Variants in ANKRD9 observed in about 807,000 individuals in gnomAD.
ANKRD9 encodes the protein ankyrin repeat domain-containing protein 9.
A neutral mutation model predicts 19.2 loss-of-function variants in ANKRD9; 13 were observed. The ratio of observed to expected loss-of-function variants is 0.68; its 90% CI spans 0.44 to 1.08. The LOEUF (loss-of-function observed/expected upper bound fraction) is 1.08. Ranked by LOEUF, ANKRD9 falls within the 50% of genes least tolerant of loss-of-function variation. The pLI, the probability that ANKRD9 is intolerant of heterozygous loss-of-function variation, is 0.00. For synonymous variants in ANKRD9, 278 were observed against 256.8 expected (o/e 1.08, Z -0.79); for missense variants, 518 against 499.9 (o/e 1.04, Z -0.34).
rs115349240 is a variant in ANKRD9, at chr14:102,508,133, T to C, written c.-53-191A>G. On this transcript the variant is annotated intron_variant, in intron 3 of 3. Transcript: ENST00000286918. The surrounding 1 kb of genome is among the most constrained non-coding windows in gnomAD (Gnocchi z 6.2). ...CGCCCAGAACCACCGCCTCCATCCTTGATCTAGCTGTACCTGTTCTCCCTC... is the reference window on the plus strand; with the variant it reads ...CGCCCAGAACCACCGCCTCCATCCTCGATCTAGCTGTACCTGTTCTCCCTC... Among the ~76,000 whole-genome samples, 1,551 of 152,176 alleles carry C rather than the reference T, an allele frequency of 0.01. 30 individuals carry two copies. Among genetic ancestry groups the C allele is most frequent in the African/African-American group, 0.035 (1,471 of 41,516 alleles).
At position 102,506,672 on chromosome 14, in the gene ANKRD9, C is replaced by T. The variant is rs1891596457; in HGVS notation, c.*264G>A. The T allele has an allele frequency of 2.5e-6, 1 of 398,972 alleles. No homozygotes were observed. Among genetic ancestry groups the T allele is most frequent in the Non-Finnish European group, 4.3e-6 (1 of 233,680 alleles). The allele number at this position is 398,972 out of a possible 1,614,324, so 24.7% of individuals were successfully genotyped here. The stretch of plus-strand genomic sequence containing the variant: ...ACTCAGCTGTCACCCATCTGGGACG[C>T]ACACCTGTCCGAGGCTCTAGATCAA... On this transcript the variant is annotated 3_prime_UTR_variant, in exon 4 of 4. Coordinates refer to ENST00000286918, the MANE Select transcript of ANKRD9 (RefSeq NM_152326.4).
chr14:102,507,976 G>A lies in ANKRD9; in HGVS notation c.-53-34C>T, dbSNP rs373442922. On this transcript the variant is annotated intron_variant, in intron 3 of 3. Transcript: ENST00000286918. This position sits in a 1 kb window ranked among gnomAD's most constrained non-coding sequence, Gnocchi z 9.2. ...AAAGGAAGAGGCCACGGTGAGGCGC[G>A]GGGAAACTGGGGAGGCCCGGGGACT... 1 of 1,068,396 alleles carries A rather than the reference G, an allele frequency of 9.4e-7. No individual in the cohort carries two copies. The highest frequency in any genetic ancestry group is 1.1e-6 in the Non-Finnish European group (1 of 874,476). The allele number at this position is 1,068,396 out of a possible 1,614,324, so 66.2% of individuals were successfully genotyped here. A position where few individuals can be genotyped will look rare whatever the true frequency, so the allele number is the denominator to read the frequency against.
Position 102,507,643 on chromosome 14 carries a change from C to A in ANKRD9, c.247G>T (p.Asp83Tyr). The A allele has an allele frequency of 6.5e-7, 1 of 1,540,174 alleles. No homozygotes were observed. The highest frequency in any genetic ancestry group is 2.5e-5 in the East Asian group (1 of 40,058). Residue 83 changes from aspartate (D) to tyrosine (Y), a missense_variant, in exon 4 of 4, where the codon GAC (aspartate) becomes TAC (tyrosine). Transcript: ENST00000286918. This position sits in a 1 kb window ranked among gnomAD's most constrained non-coding sequence, Gnocchi z 9.2. ...AGGTAATGCGCGTACGCTTGGTGGT[C>A]GTGCACGAGCGCGTAGAGCAGCGCC... ...SEALLYALVH[D>Y]HQAYAHYLLA... is the part of the protein sequence containing the mutation.
Position 102,506,987 on chromosome 14 carries a change from C to A in ANKRD9, c.903G>T (p.Glu301Asp). 6.4e-7 allele frequency: 1 copy of A among 1,569,568 alleles called. No individual in the cohort carries two copies. Among genetic ancestry groups the A allele is most frequent in the Non-Finnish European group, 8.6e-7 (1 of 1,158,456 alleles). ...SPGRFPEALDELPLPPFLQPL... is the reference protein window; with the variant it reads ...SPGRFPEALDDLPLPPFLQPL... The stretch of plus-strand genomic sequence containing the variant: ...GCTGCAGGAATGGGGGCAGCGGCAG[C>A]TCGTCCAGGGCCTCGGGGAAGCGGC... Residue 301 changes from glutamate to aspartate, a missense_variant, in exon 4 of 4, where the codon GAG (glutamate) becomes GAT (aspartate). By Grantham distance (45) the Glu-to-Asp change is conservative. Coordinates refer to ENST00000286918, the MANE Select transcript of ANKRD9 (RefSeq NM_152326.4).
chr14:102,509,502 G>A (rs1168225991), intron 1 of ANKRD9, 27 bp downstream of exon 1: 1 of 143,766 alleles, frequency 7.0e-6, no homozygotes, highest in African/African-American at 2.5e-5. Context: ...GGCGGCCGCG[G>A]GCGCGGCGCG....
rs946784578 is a variant in ANKRD9 at position 102,509,671 on chromosome 14, C to A, written c.-477G>T. The A allele has an allele frequency of 6.9e-5, 10 of 145,956 alleles. No homozygotes were observed. The South Asian group carries it at 2.1e-3, about 30-fold the overall frequency. The allele number at this position is 145,956 out of a possible 1,614,324, so 9.0% of individuals were successfully genotyped here. On this transcript the variant is annotated 5_prime_UTR_variant, in exon 1 of 4. Coordinates refer to ENST00000286918, the MANE Select transcript of ANKRD9 (RefSeq NM_152326.4). The stretch of plus-strand genomic sequence containing the variant: ...CACCGCCGCCCGCGCCCGCCGCAGC[C>A]GCGCTCTGAGCCGCCGCGGCCGGAT...
chr14:102,506,881 C>T lies in ANKRD9; in HGVS notation c.*55G>A. On this transcript the variant is annotated 3_prime_UTR_variant, in exon 4 of 4. Transcript: ENST00000286918. ...GATCAATATATATAAAGTGCCGGTA[C>T]AACGCTCTGAAAAATAGTTTTGTCC... is the stretch of plus-strand genomic sequence containing the variant. 7.1e-7 allele frequency: 1 copy of T among 1,408,736 alleles called. No individual in the cohort carries two copies. Among genetic ancestry groups the T allele is most frequent in the Non-Finnish European group, 9.2e-7 (1 of 1,081,972 alleles). The allele number at this position is 1,408,736 out of a possible 1,614,324, so 87.3% of individuals were successfully genotyped here. A position where few individuals can be genotyped will look rare whatever the true frequency, so the allele number is the denominator to read the frequency against.
rs1451137106 is a variant in ANKRD9 at position 102,507,266 on chromosome 14, C to T, written c.624G>A (p.Gly208=). The T allele has an allele frequency of 1.4e-5, 17 of 1,212,120 alleles. No homozygotes were observed. Among genetic ancestry groups the T allele is most frequent in the South Asian group, 5.1e-5 (2 of 38,846 alleles). 75.1% of individuals were successfully genotyped at this position (1,212,120 alleles called of 1,614,324 possible). The change falls in exon 4 of 4, where the codon GGG becomes GGA. Residue 208 remains glycine, a synonymous_variant. Transcript: ENST00000286918. The surrounding 1 kb of genome is among the most constrained non-coding windows in gnomAD (Gnocchi z 9.2). ...LLLRQLGRDA[G]ATPSAAGAPA... ...GGGCTCCGGCGGCGGAGGGAGTGGC[C>T]CCGGCGTCGCGGCCCAGCTGGCGCA...
Position 102,507,543 on chromosome 14 carries a change from T to C in ANKRD9, c.347A>G (p.His116Arg). The C allele has an allele frequency of 1.5e-6, 2 of 1,339,668 alleles. No individual in the cohort carries two copies. The highest frequency in any genetic ancestry group is 1.9e-6 in the Non-Finnish European group (2 of 1,045,688). The allele number at this position is 1,339,668 out of a possible 1,614,324, so 83.0% of individuals were successfully genotyped here. A position where few individuals can be genotyped will look rare whatever the true frequency, so the allele number is the denominator to read the frequency against. Residue 116 changes from histidine to arginine, a missense_variant, in exon 4 of 4, where the codon CAC becomes CGC. Physicochemically the swap from His to Arg is conservative, Grantham distance 29. Coordinates refer to ENST00000286918, the MANE Select transcript of ANKRD9 (RefSeq NM_152326.4). This position sits in a 1 kb window ranked among gnomAD's most constrained non-coding sequence, Gnocchi z 9.2. ...GTTGTAGCGCACTGCCAGCGCCACG[T>C]GCGGCCCGGGAGCCGCGCAGCAGCG... Reference protein sequence around the residue: ...GFRCCAAPGPHVALAVRYNRV... With the variant: ...GFRCCAAPGPRVALAVRYNRV...
rs939518537 is a variant in ANKRD9, at chr14:102,509,710, T to C, written c.-516A>G. ...CCGCGGCCGGATCGCAGGGCGGCGGTGCCGTCGCCGGCGGCGGGCGGCGGG... is the reference window on the plus strand; with the variant it reads ...CCGCGGCCGGATCGCAGGGCGGCGGCGCCGTCGCCGGCGGCGGGCGGCGGG... On this transcript the variant is annotated 5_prime_UTR_variant, in exon 1 of 4. Coordinates refer to ENST00000286918, the MANE Select transcript of ANKRD9 (RefSeq NM_152326.4). 2 of 143,536 alleles carry C rather than the reference T, an allele frequency of 1.4e-5. No homozygotes were observed. Among genetic ancestry groups the C allele is most frequent in the Admixed American group, 1.4e-4 (2 of 14,466 alleles). 8.9% of individuals were successfully genotyped at this position (143,536 alleles called of 1,614,324 possible). A position where few individuals can be genotyped will look rare whatever the true frequency, so the allele number is the denominator to read the frequency against.
Position 102,508,061 on chromosome 14 carries a change from A to C in ANKRD9, c.-53-119T>G. The C allele has an allele frequency of 1.6e-6, 1 of 627,596 alleles. No homozygotes were observed. Among genetic ancestry groups the C allele is most frequent in the Non-Finnish European group, 2.1e-6 (1 of 486,926 alleles). The allele number at this position is 627,596 out of a possible 1,614,324, so 38.9% of individuals were successfully genotyped here. A position where few individuals can be genotyped will look rare whatever the true frequency, so the allele number is the denominator to read the frequency against. The stretch of plus-strand genomic sequence containing the variant: ...GCCCACCAGGCCTGTACCTACCTCC[A>C]GCCTCGGCCAGGCCCTTCCAGTCAC... On this transcript the variant is annotated intron_variant, in intron 3 of 3. Coordinates refer to ENST00000286918, the MANE Select transcript of ANKRD9 (RefSeq NM_152326.4). The surrounding 1 kb of genome is among the most constrained non-coding windows in gnomAD (Gnocchi z 6.2).
rs747718458 is a variant in ANKRD9 at position 102,508,429 on chromosome 14, G to C, written c.-54+46C>G. Reference sequence around the variant, plus strand: ...CCCAGACCACTTGGAGGCCCCTGGAGCCTCTTCCTGGGCTGTTCAGAGGCA... The same window carrying C: ...CCCAGACCACTTGGAGGCCCCTGGACCCTCTTCCTGGGCTGTTCAGAGGCA... On this transcript the variant is annotated intron_variant, in intron 3 of 3. Transcript: ENST00000286918. This position sits in a 1 kb window ranked among gnomAD's most constrained non-coding sequence, Gnocchi z 6.2. The C allele has an allele frequency of 2.0e-5, 3 of 152,250 alleles. No homozygotes were observed. Among genetic ancestry groups the C allele is most frequent in the Non-Finnish European group, 2.9e-5 (2 of 68,128 alleles). 9.4% of individuals were successfully genotyped at this position (152,250 alleles called of 1,614,324 possible).
rs1375137786 is a variant in ANKRD9, at chr14:102,505,346, A to G, written c.*1590T>C. On this transcript the variant is annotated 3_prime_UTR_variant, in exon 4 of 4. Coordinates refer to ENST00000286918, the MANE Select transcript of ANKRD9 (RefSeq NM_152326.4). The stretch of plus-strand genomic sequence containing the variant: ...GGACCGGAGGCCCTGATGCCCCAAG[A>G]ATTGGGCTTGGAAAGATGTTAATAT... 3 of 151,930 alleles carry G rather than the reference A, an allele frequency of 2.0e-5. No homozygotes were observed. The East Asian group carries it at 5.8e-4, about 29-fold the overall frequency. The allele number at this position is 151,930 out of a possible 1,614,324, so 9.4% of individuals were successfully genotyped here. A position where few individuals can be genotyped will look rare whatever the true frequency, so the allele number is the denominator to read the frequency against.
Position 102,507,954 on chromosome 14 carries a change from G to A in ANKRD9, c.-53-12C>T. ...CCGCGAAGGCACACCTGCGGGGAAAGGAAGAGGCCACGGTGAGGCGCGGGG... is the reference window on the plus strand; with the variant it reads ...CCGCGAAGGCACACCTGCGGGGAAAAGAAGAGGCCACGGTGAGGCGCGGGG... On this transcript the variant is annotated splice_polypyrimidine_tract_variant and intron_variant, in intron 3 of 3. Coordinates refer to ENST00000286918, the MANE Select transcript of ANKRD9 (RefSeq NM_152326.4). This position sits in a 1 kb window ranked among gnomAD's most constrained non-coding sequence, Gnocchi z 9.2. 1 of 1,092,724 alleles carries A rather than the reference G, an allele frequency of 9.2e-7. No homozygotes were observed. Among genetic ancestry groups the A allele is most frequent in the Non-Finnish European group, 1.1e-6 (1 of 889,514 alleles). The allele number at this position is 1,092,724 out of a possible 1,614,324, so 67.7% of individuals were successfully genotyped here.
In ANKRD9 at chr14:102,507,056, G is replaced by A. The variant is rs776479860; in HGVS notation, c.834C>T (p.Leu278=). The A allele has an allele frequency of 1.9e-6, 3 of 1,557,132 alleles. No individual in the cohort carries two copies. Among genetic ancestry groups the A allele is most frequent in the East Asian group, 2.4e-5 (1 of 41,756 alleles). ...CCAGCACCTGCATGGCGCGCGCGAA[G>A]AGCGAGGGCGGCGCCAGGCCCGCCA... ...QWLAGLAPPS[L]FARAMQVLVT... The change falls in exon 4 of 4, where the codon CTC becomes CTT. Residue 278 remains leucine, a synonymous_variant. Transcript: ENST00000286918. This position sits in a 1 kb window ranked among gnomAD's most constrained non-coding sequence, Gnocchi z 9.2.
chr14:102,502,625 G>T lies in ANKRD9; in HGVS notation c.*4311C>A, dbSNP rs547878635. On this transcript the variant is annotated 3_prime_UTR_variant, in exon 4 of 4. Coordinates refer to ENST00000286918, the MANE Select transcript of ANKRD9 (RefSeq NM_152326.4). Reference sequence around the variant, plus strand: ...ATTAAGGTTAAAAAAATACTAAATTGTGTAACTGATCTGGTTTCATATATA... The same window carrying T: ...ATTAAGGTTAAAAAAATACTAAATTTTGTAACTGATCTGGTTTCATATATA... The T allele has an allele frequency of 5.3e-5, 8 of 152,294 alleles. No homozygotes were observed. The highest frequency in any genetic ancestry group is 1.9e-4 in the African/African-American group (8 of 41,536). 9.4% of individuals were successfully genotyped at this position (152,294 alleles called of 1,614,324 possible).
rs1891598004 is a variant in ANKRD9 at position 102,506,739 on chromosome 14, G to T, written c.*197C>A. ...TCACTCCCTTCAGGGGCTGGACAGCGAGCTGAAGGCCCGAGCCCAGCTGCA... is the reference window on the plus strand; with the variant it reads ...TCACTCCCTTCAGGGGCTGGACAGCTAGCTGAAGGCCCGAGCCCAGCTGCA... On this transcript the variant is annotated 3_prime_UTR_variant, in exon 4 of 4. Coordinates refer to ENST00000286918, the MANE Select transcript of ANKRD9 (RefSeq NM_152326.4). 2 of 682,714 alleles carry T rather than the reference G, an allele frequency of 2.9e-6. No homozygotes were observed. The highest frequency in any genetic ancestry group is 4.3e-5 in the Admixed American group (1 of 23,106). 42.3% of individuals were successfully genotyped at this position (682,714 alleles called of 1,614,324 possible).
At position 102,507,107 on chromosome 14, in the gene ANKRD9, C is replaced by T. The variant is rs1317966809; in HGVS notation, c.783G>A (p.Leu261=). 4 of 1,516,804 alleles carry T rather than the reference C, an allele frequency of 2.6e-6. No individual in the cohort carries two copies. In the Admixed American group the frequency reaches 6.2e-5, roughly 23 times the overall value. The allele number at this position is 1,516,804 out of a possible 1,614,324, so 94.0% of individuals were successfully genotyped here. A position where few individuals can be genotyped will look rare whatever the true frequency, so the allele number is the denominator to read the frequency against. ...GCCACTGGAACTTGTCCTCACCCAG[C>T]AGCCGCTGCCAGCGCGGCCGGTCGC... is the stretch of plus-strand genomic sequence containing the variant. The part of the protein sequence containing the change: ...LLGDRPRWQR[L]LGEDKFQWLA... Residue 261 remains leucine (L), a synonymous_variant, in exon 4 of 4, where the codon CTG becomes CTA. Transcript: ENST00000286918. The surrounding 1 kb of genome is among the most constrained non-coding windows in gnomAD (Gnocchi z 9.2).
rs557445023 is a variant in ANKRD9, at chr14:102,502,460, A to G, written c.*4476T>C. On this transcript the variant is annotated 3_prime_UTR_variant, in exon 4 of 4. Transcript: ENST00000286918. ...GTATTATTTATTCCAAAAATAAAGC[A>G]GATTTACATTTTAAAAATTCAGTTG... 6.5e-6 allele frequency: 1 copy of G among 152,792 alleles called. No individual in the cohort carries two copies. Among genetic ancestry groups the G allele is most frequent in the African/African-American group, 2.4e-5 (1 of 41,588 alleles). The allele number at this position is 152,792 out of a possible 1,614,324, so 9.5% of individuals were successfully genotyped here.
Sources: gnomAD v4.1 joint callset for allele counts (sites outside exome capture counted in the v4.1 genomes callset) on GRCh38, gnomAD v4.1.1 for gene constraint, Gnocchi (gnomAD v3.1) non-coding constraint, MANE v1.5 for transcripts, NCBI Gene and HGNC (gene_info 2026-07-23, HGNC 2026-07-21) for gene names.